The following CACNA1B variants were observed in gnomAD, a reference collection of about 807,000 sequenced individuals.
CACNA1B encodes the protein calcium voltage-gated channel subunit alpha1 B, also known as voltage-dependent N-type calcium channel subunit alpha-1B.
Under a neutral mutation model 247.2 loss-of-function variants are expected in CACNA1B, and 70 were observed. The ratio of observed to expected loss-of-function variants is 0.28; its 90% CI spans 0.23 to 0.35. The LOEUF (loss-of-function observed/expected upper bound fraction) is 0.35, where lower values mean the gene tolerates loss of function less well. CACNA1B is among the 10% of genes least tolerant of loss of function. The probability of loss-of-function intolerance (pLI) is 1.00; values close to 1 mark genes in which losing one functional copy is unlikely to be tolerated. For missense variants in CACNA1B, 2,367 were observed against 3,197.4 expected (o/e 0.74, Z 6.26); for synonymous variants, 1,231 against 1,294.4 (o/e 0.95, Z 1.05).
chr9:137,883,026 G>A, intron 3 of CACNA1B, 143 bp downstream of exon 3: 2 of 875,362 alleles, frequency 2.3e-6, no homozygotes, highest in Non-Finnish European at 3.6e-6. Flanking sequence ...ACGAATGTGA[G>A]ACAGTCTGTT....
intron 38 of CACNA1B, among the ~76,000 whole-genome samples, chr9:138,103,644 C>T (rs1325224617): frequency 1.3e-5 from 2 of 152,210 alleles, no homozygotes; most frequent in East Asian, 3.9e-4. Flanking sequence ...CACCTTCGTT[C>T]CCCCAGCACC....
chr9:138,098,005 C>T (rs1366583705), intron 37 of CACNA1B, among the ~76,000 whole-genome samples: 1 of 152,206 alleles, frequency 6.6e-6, no homozygotes, highest in African/African-American at 2.4e-5. Context: ...CCACTGGCAG[C>T]ATCGGGGGCC....
At chr9:138,098,587 G>A (rs1359712656) in intron 37 of CACNA1B, among the ~76,000 whole-genome samples, 5 of 152,136 alleles carry the variant, frequency 3.3e-5, no homozygotes, top group Admixed American at 1.3e-4. Context: ...ACAGTCAGCC[G>A]CCGGCAAGAG....
chr9:138,118,671 A>G lies in CACNA1B; in HGVS notation c.5933A>G (p.Gln1978Arg), dbSNP rs760512364. Residue 1978 changes from glutamine (Q) to arginine (R), a missense_variant, in exon 44 of 47, where the codon CAG (glutamine) becomes CGG (arginine). Physicochemically the swap from Gln to Arg is conservative, Grantham distance 43. Coordinates refer to ENST00000371372, the MANE Select transcript of CACNA1B (RefSeq NM_000718.4). ...SGALAVDVQM[Q>R]SITRRGPDGE... Reference sequence around the variant, plus strand: ...CCACAGGCTGTGGACGTTCAGATGCAGAGCATAACCCGGAGGGGCCCTGAT... The same window carrying G: ...CCACAGGCTGTGGACGTTCAGATGCGGAGCATAACCCGGAGGGGCCCTGAT... The G allele has an allele frequency of 5.8e-6, 9 of 1,556,404 alleles. No individual in the cohort carries two copies. Among genetic ancestry groups the G allele is most frequent in the African/African-American group, 5.4e-5 (4 of 73,452 alleles).
intron 10 of CACNA1B, among the ~76,000 whole-genome samples, chr9:137,963,649 G>A (rs1251976751): frequency 2.0e-5 from 3 of 152,064 alleles, no homozygotes; most frequent in African/African-American, 4.8e-5. Context: ...TGCCTGCCTC[G>A]GCCTCCCAAG....
In CACNA1B at chr9:138,102,985, C is replaced by G. The variant is rs1182653923; in HGVS notation, c.5319+178C>G. Among the ~76,000 whole-genome samples the G allele has an allele frequency of 6.6e-6, 1 of 152,202 alleles. No homozygotes were observed. Among genetic ancestry groups the G allele is most frequent in the Non-Finnish European group, 1.5e-5 (1 of 68,042 alleles). On this transcript the variant is annotated intron_variant, in intron 38 of 46. Transcript: ENST00000371372. The surrounding 1 kb of genome is among the most constrained non-coding windows in gnomAD (Gnocchi z 5.4). ...TCTTCAGCCCCATCCCAGCTTCCTT[C>G]CCAGACAGAGGGATGTGGCCACCAT...
At chr9:138,037,680 AAAG>A (rs1244440739) in intron 20 of CACNA1B, among the ~76,000 whole-genome samples, 1 of 151,972 alleles carries the variant, frequency 6.6e-6, no homozygotes, top group African/African-American at 2.4e-5. Flanking sequence ...ACAAAAAAAA[AAAG>A]AGAGAAAAAA....
chr9:138,050,179 C>A lies in CACNA1B; in HGVS notation c.3710+864C>A. 2.1e-6 allele frequency: 2 copies of A among 947,826 alleles called. No individual in the cohort carries two copies. Among genetic ancestry groups the A allele is most frequent in the Non-Finnish European group, 3.0e-6 (2 of 677,488 alleles). 58.7% of individuals were successfully genotyped at this position (947,826 alleles called of 1,614,324 possible). ...TTTCATCTCCAGCCTCACCCCCCGC[C>A]CATCCACTTTCACCCCATCGGGGCT... On this transcript the variant is annotated intron_variant, in intron 24 of 46. Coordinates refer to ENST00000371372, the MANE Select transcript of CACNA1B (RefSeq NM_000718.4). The surrounding 1 kb of genome is among the most constrained non-coding windows in gnomAD (Gnocchi z 5.2).
At chr9:137,937,665 G>T (rs917367216) in intron 6 of CACNA1B, among the ~76,000 whole-genome samples, 1 of 152,094 alleles carries the variant, frequency 6.6e-6, no homozygotes, top group African/African-American at 2.4e-5. Context: ...GATGAAGGAG[G>T]CTGGGTGCTG....
At chr9:138,028,931 T>G (rs1364244003) in intron 20 of CACNA1B, among the ~76,000 whole-genome samples, 1 of 152,196 alleles carries the variant, frequency 6.6e-6, no homozygotes, top group Non-Finnish European at 1.5e-5. Context: ...GCTGCTTCTC[T>G]CTGACTTAAA....
chr9:138,099,425 G>A (rs973588554), intron 37 of CACNA1B, among the ~76,000 whole-genome samples: 2 of 152,126 alleles, frequency 1.3e-5, no homozygotes, highest in South Asian at 2.1e-4. Flanking sequence ...TGAATGACAT[G>A]TGCACCTGTG....
chr9:138,071,159 C>T (rs568875961), intron 32 of CACNA1B, among the ~76,000 whole-genome samples: 7 of 152,344 alleles, frequency 4.6e-5, no homozygotes, highest in Admixed American at 6.5e-5. Flanking sequence ...TGGGTGTCCC[C>T]GTGTTTCTTT....
At chr9:138,039,594 C>T (rs772949333) in intron 20 of CACNA1B, among the ~76,000 whole-genome samples, 1 of 151,986 alleles carries the variant, frequency 6.6e-6, no homozygotes, top group South Asian at 2.1e-4. Flanking sequence ...TTTCAGTTTC[C>T]AAATGTAAAA....
chr9:138,032,356 T>G (rs1589081196), intron 20 of CACNA1B, among the ~76,000 whole-genome samples: 1 of 152,310 alleles, frequency 6.6e-6, no homozygotes, highest in East Asian at 1.9e-4. Context: ...CTATGTACTT[T>G]TAGAACCACA....
chr9:138,116,338 G>T (rs1469701166), intron 42 of CACNA1B, among the ~76,000 whole-genome samples: 1 of 152,110 alleles, frequency 6.6e-6, no homozygotes, highest in Non-Finnish European at 1.5e-5. Context: ...CAATATTTCC[G>T]GGTAACAAAT....
intron 3 of CACNA1B, among the ~76,000 whole-genome samples, chr9:137,895,154 C>T (rs560947464): frequency 6.6e-6 from 1 of 152,298 alleles, no homozygotes; most frequent in East Asian, 1.9e-4. Flanking sequence ...ACCAACTGGG[C>T]GTGCTTGTCT....
chr9:137,908,476 A>AT (rs1957321774), intron 3 of CACNA1B, among the ~76,000 whole-genome samples: 1 of 151,968 alleles, frequency 6.6e-6, no homozygotes, highest in South Asian at 2.1e-4. Flanking sequence ...AGATCACGCC[A>AT]TTGCATTCCA....
chr9:137,907,555 C>T (rs1957312409), intron 3 of CACNA1B, among the ~76,000 whole-genome samples: 1 of 152,188 alleles, frequency 6.6e-6, no homozygotes, highest in Admixed American at 6.5e-5. Context: ...ATCTGGATTT[C>T]CCTGATTGCC....
intron 6 of CACNA1B, among the ~76,000 whole-genome samples, chr9:137,932,822 T>C (rs1957622915): frequency 6.6e-6 from 1 of 152,268 alleles, no homozygotes; most frequent in African/African-American, 2.4e-5. Flanking sequence ...GTTATCTAAA[T>C]GATGCGGTTT....
Sources: allele counts gnomAD v4.1 joint callset (sites outside exome capture counted in the v4.1 genomes callset), GRCh38; gene constraint gnomAD v4.1.1; non-coding constraint Gnocchi (gnomAD v3.1); transcripts MANE v1.5; gene names NCBI Gene and HGNC (gene_info 2026-07-23, HGNC 2026-07-21).